FER: variants seen among roughly 807,000 people sequenced by gnomAD.
FER encodes tyrosine-protein kinase Fer.
In FER, 63 loss-of-function variants were observed where a neutral mutation model predicts 111.0. The ratio of observed to expected loss-of-function variants is 0.57; its 90% CI spans 0.46 to 0.70. The LOEUF (loss-of-function observed/expected upper bound fraction) is 0.70. Ranked by LOEUF, FER falls within the 30% of genes least tolerant of loss-of-function variation. FER has a pLI of 0.00. For missense variants in FER, 914 were observed against 954.0 expected, an observed-to-expected ratio of 0.96 and a Z score of 0.55; for synonymous variants, 327 against 313.9, an observed-to-expected ratio of 1.04 and a Z score of -0.44.
intron 10 of FER, among the ~76,000 whole-genome samples, chr5:108,941,088 A>G (rs148667785): frequency 6.6e-6 from 1 of 152,174 alleles, no homozygotes; most frequent in African/African-American, 2.4e-5. Context: ...GATCTCCTGT[A>G]TTTCCTAAAG....
intron 2 of FER, among the ~76,000 whole-genome samples, chr5:108,780,961 T>C (rs1489044667): frequency 6.6e-6 from 1 of 152,186 alleles, no homozygotes; most frequent in Non-Finnish European, 1.5e-5. Flanking sequence ...TAGGCATTCT[T>C]CATTTCTGTT....
At chr5:109,185,272 G>T (rs1758733827) in intron 18 of FER, among the ~76,000 whole-genome samples, 1 of 152,112 alleles carries the variant, frequency 6.6e-6, no homozygotes, top group African/African-American at 2.4e-5. Flanking sequence ...ACAAAACAAG[G>T]CACCATGTGA....
chr5:109,109,831 C>T (rs535932009), intron 17 of FER, among the ~76,000 whole-genome samples: 3 of 152,276 alleles, frequency 2.0e-5, no homozygotes, highest in African/African-American at 7.2e-5. Flanking sequence ...GTGACACTAT[C>T]TAAAAAGGGT....
chr5:108,765,075 A>G (rs1050230967), intron 1 of FER, among the ~76,000 whole-genome samples: 1 of 152,202 alleles, frequency 6.6e-6, no homozygotes, highest in Non-Finnish European at 1.5e-5. Context: ...AGATGAAAGT[A>G]TGTGTAATTG....
At chr5:109,031,706 C>G (rs1460089555) in intron 13 of FER, among the ~76,000 whole-genome samples, 1 of 152,170 alleles carries the variant, frequency 6.6e-6, no homozygotes, top group Admixed American at 6.5e-5. Context: ...TCTTTCTATG[C>G]TTTTGCCAAA....
At chr5:109,175,787 G>T (rs1334939513) in intron 17 of FER, among the ~76,000 whole-genome samples, 2 of 152,100 alleles carry the variant, frequency 1.3e-5, no homozygotes, top group Non-Finnish European at 2.9e-5. Context: ...AACCACAGTG[G>T]GATACCATTT....
At chr5:109,029,425 C>CTTTTTTTTTTTTTTTTTTTT (rs757282669) in intron 13 of FER, among the ~76,000 whole-genome samples, 12 of 52,206 alleles carry the variant, frequency 2.3e-4, no homozygotes, top group Non-Finnish European at 3.4e-4. Flanking sequence ...ATTCATTGTT[C>CTTTTTTTTTTTTTTTTTTTT]TTTTTTTTTT....
intron 13 of FER, among the ~76,000 whole-genome samples, chr5:109,012,541 A>G (rs1003925758): frequency 1.3e-5 from 2 of 152,224 alleles, no homozygotes; most frequent in Non-Finnish European, 1.5e-5. Context: ...TTTTATTTTT[A>G]AATCAATAAC....
chr5:108,974,856 A>G (rs868377806), intron 13 of FER, among the ~76,000 whole-genome samples: 37 of 152,224 alleles, frequency 2.4e-4, no homozygotes, highest in African/African-American at 8.4e-4. Context: ...CAAAAAGAAC[A>G]TAGCTCTGCA....
intron 5 of FER, among the ~76,000 whole-genome samples, chr5:108,862,043 G>T (rs979756973): frequency 2.0e-5 from 3 of 152,126 alleles, no homozygotes; most frequent in African/African-American, 7.2e-5. Flanking sequence ...AAGTGTATGT[G>T]AGCTGTGGAG....
At chr5:109,096,969 TAATA>T (rs1257704698) in intron 16 of FER, among the ~76,000 whole-genome samples, 4 of 148,080 alleles carry the variant, frequency 2.7e-5, no homozygotes, top group South Asian at 2.1e-4. Flanking sequence ...TATAAATATA[TAATA>T]AATATATAAA....
intron 18 of FER, among the ~76,000 whole-genome samples, chr5:109,181,692 G>T (rs184203176): frequency 1.4e-3 from 215 of 152,208 alleles, no homozygotes; most frequent in African/African-American, 4.9e-3. Context: ...AATTTGTAAA[G>T]CATTTATAAA....
chr5:109,078,775 C>T (rs1776657091), intron 16 of FER, among the ~76,000 whole-genome samples: 1 of 152,160 alleles, frequency 6.6e-6, no homozygotes, highest in Admixed American at 6.6e-5. Flanking sequence ...AATTTGCCAA[C>T]AGATTACATA....
chr5:108,888,988 A>C (rs1747605950), intron 9 of FER, among the ~76,000 whole-genome samples: 1 of 151,894 alleles, frequency 6.6e-6, no homozygotes, highest in African/African-American at 2.4e-5. Context: ...CTGAGTATCT[A>C]ATTGATTGCC....
chr5:108,977,869 T>C (rs1285763539), intron 13 of FER, among the ~76,000 whole-genome samples: 2 of 152,132 alleles, frequency 1.3e-5, no homozygotes, highest in Admixed American at 1.3e-4. Flanking sequence ...TTTGTTTAGA[T>C]GGAGTCTCAC....
intron 2 of FER, among the ~76,000 whole-genome samples, chr5:108,797,187 A>G (rs1756126383): frequency 6.6e-6 from 1 of 151,976 alleles, no homozygotes; most frequent in Admixed American, 6.6e-5. Flanking sequence ...GGCCTATAAT[A>G]GGCGCCTAAT....
intron 16 of FER, among the ~76,000 whole-genome samples, chr5:109,076,365 A>G (rs1325122457): frequency 6.6e-6 from 1 of 152,136 alleles, no homozygotes. Flanking sequence ...ATTTTGAATG[A>G]CTTCCTTGCC....
At chr5:108,946,011 A>G (rs756272491) in intron 10 of FER, 119 bp from the exon 11 acceptor site, 7 of 622,722 alleles carry the variant, frequency 1.1e-5, no homozygotes, top group African/African-American at 1.8e-5. Context: ...CAGGAAGTTT[A>G]TATTTTATTT....
At chr5:109,112,913 A>G (rs534173226) in intron 17 of FER, among the ~76,000 whole-genome samples, 1 of 152,126 alleles carries the variant, frequency 6.6e-6, no homozygotes, top group Non-Finnish European at 1.5e-5. Context: ...CTGATCTGAT[A>G]TATCAAATAT....
Sources: allele counts gnomAD v4.1 joint callset (sites outside exome capture counted in the v4.1 genomes callset), GRCh38; gene constraint gnomAD v4.1.1; transcripts MANE v1.5; gene names NCBI Gene and HGNC (gene_info 2026-07-23, HGNC 2026-07-21).